Variants in FTSJ3 observed in about 807,000 individuals in gnomAD.
FTSJ3 encodes the protein FtsJ RNA 2'-O-methyltransferase 3, also known as pre-rRNA 2'-O-ribose RNA methyltransferase FTSJ3.
FTSJ3 carries 46 observed loss-of-function variants against 111.5 expected under a neutral mutation model. That is an observed-to-expected ratio of 0.41 (90% confidence interval 0.33 to 0.53). The LOEUF is 0.53. FTSJ3 is among the 20% of genes least tolerant of loss of function. The probability of loss-of-function intolerance (pLI) is 0.19; values close to 1 mark genes in which losing one functional copy is unlikely to be tolerated. For synonymous variants in FTSJ3, 408 were observed against 383.0 expected, an observed-to-expected ratio of 1.07 and a Z score of -0.76; for missense variants, 1,075 against 1,063.8, an observed-to-expected ratio of 1.01 and a Z score of -0.15.
Position 63,820,955 on chromosome 17 carries a change from A to G in FTSJ3, c.1973-17T>C. The stretch of plus-strand genomic sequence containing the variant: ...GATGTTTCGCTAGAGAGGGAAGGAG[A>G]AAGGTCAAAGCTCAATTCCCAATAC... On this transcript the variant is annotated splice_polypyrimidine_tract_variant and intron_variant, in intron 17 of 20. Coordinates refer to ENST00000427159, the MANE Select transcript of FTSJ3 (RefSeq NM_017647.4). The G allele has an allele frequency of 6.2e-7, 1 of 1,612,428 alleles. No homozygotes were observed. Among genetic ancestry groups the G allele is most frequent in the South Asian group, 1.1e-5 (1 of 91,060 alleles).
chr17:63,825,811 G>A, intron 5 of FTSJ3, 176 bp from the exon 6 acceptor site: 1 of 645,096 alleles, frequency 1.6e-6, no homozygotes, highest in East Asian at 2.7e-5. Context: ...ATTACAGTCT[G>A]ACACTGAATT....
At position 63,819,834 on chromosome 17, in the gene FTSJ3, T is replaced by TA. The variant is rs774847539; in HGVS notation, c.2511dup (p.Lys838Ter). On this transcript the variant is annotated frameshift_variant, in exon 21 of 21. Transcript: ENST00000427159. LOFTEE classifies it high-confidence loss of function. ...CGTTTGTGTTTTTTCTTTTGTTCCT[T>TA]ACGTTGCTGTGCTCTTTGGTCCTTC... is the stretch of plus-strand genomic sequence containing the variant. 4 of 1,613,776 alleles carry TA rather than the reference T, an allele frequency of 2.5e-6. No homozygotes were observed. Among genetic ancestry groups the TA allele is most frequent in the South Asian group, 1.1e-5 (1 of 91,078 alleles).
rs771935541 is a variant in FTSJ3, at chr17:63,825,221, GAGAA to G, written c.595+17_595+20del. The G allele has an allele frequency of 6.2e-7, 1 of 1,614,078 alleles. No homozygotes were observed. Among genetic ancestry groups the G allele is most frequent in the Non-Finnish European group, 8.5e-7 (1 of 1,179,980 alleles). The stretch of plus-strand genomic sequence containing the variant: ...TTTGGGAGTTGGGAGCCTGGATCAA[GAGAA>G]AGGAAATGATGCCCACCTTGGCAGA... On this transcript the variant is annotated intron_variant, in intron 7 of 20. Coordinates refer to ENST00000427159, the MANE Select transcript of FTSJ3 (RefSeq NM_017647.4).
At chr17:63,823,183 A>C (rs2040065996) in intron 13 of FTSJ3, among the ~76,000 whole-genome samples, 2 of 152,230 alleles carry the variant, frequency 1.3e-5, no homozygotes, top group Non-Finnish European at 2.9e-5. Context: ...GGTCTCAATG[A>C]ACTAAAGAAT....
Position 63,822,070 on chromosome 17 carries a change from G to A in FTSJ3, c.1389C>T (p.Asp463=). 3 of 1,614,160 alleles carry A rather than the reference G, an allele frequency of 1.9e-6. No individual in the cohort carries two copies. The highest frequency in any genetic ancestry group is 2.5e-6 in the Non-Finnish European group (3 of 1,180,006). ...CACTATCCAGAGATGTGTCATCACC[G>A]TCGTCCTCAACATCTGACACATAGA... The part of the protein sequence containing the change: ...DDIYVSDVED[D]GDDTSLDSDL... The change falls in exon 14 of 21, where the codon GAC becomes GAT. Residue 463 remains aspartate, a synonymous_variant. Coordinates refer to ENST00000427159, the MANE Select transcript of FTSJ3 (RefSeq NM_017647.4).
At chr17:63,825,199 G>A (rs1416099638) in intron 7 of FTSJ3, 36 bp from the exon 8 acceptor site, 2 of 1,613,364 alleles carry the variant, frequency 1.2e-6, no homozygotes, top group South Asian at 1.1e-5. Context: ...AGTGTGCTTT[G>A]GGAGTTGGGA....
At chr17:63,822,890 CTAT>C (rs781676951) in intron 13 of FTSJ3, among the ~76,000 whole-genome samples, 93 of 152,136 alleles carry the variant, frequency 6.1e-4, no homozygotes, top group Non-Finnish European at 9.0e-4. Flanking sequence ...TAGGTAGGTT[CTAT>C]TATTGTTTTA....
intron 16 of FTSJ3, 69 bp from the exon 17 acceptor site, chr17:63,821,184 T>G: frequency 6.3e-7 from 1 of 1,580,400 alleles, no homozygotes; most frequent in Non-Finnish European, 8.7e-7. Flanking sequence ...CCCACGGAAT[T>G]TGCAAAAATC....
In FTSJ3 at chr17:63,826,059, C is replaced by T. The variant is rs114089669; in HGVS notation, c.297G>A (p.Arg99=). The part of the protein sequence containing the change: ...LQQDITTERC[R]QALRKELKTW... ...GGAAGAGAGAGACTCCTATTACCTG[C>T]CTACAACGTTCTGTTGTGATGTCCT... The change falls in exon 5 of 21, where the codon AGG becomes AGA. Residue 99 remains arginine (R), a synonymous_variant. Coordinates refer to ENST00000427159, the MANE Select transcript of FTSJ3 (RefSeq NM_017647.4). 2.6e-4 allele frequency: 414 copies of T among 1,608,882 alleles called. 3 individuals are homozygous for T. The East Asian group carries it at 8.1e-3, about 32-fold the overall frequency.
At chr17:63,826,183 G>A (rs368110506) in intron 4 of FTSJ3, 48 bp from the exon 5 acceptor site, 8 of 1,610,314 alleles carry the variant, frequency 5.0e-6, no homozygotes, top group Non-Finnish European at 6.8e-6. Context: ...TTCAAGCAGG[G>A]AGGAGAGAAA....
chr17:63,822,285 T>C, intron 13 of FTSJ3, 117 bp from the exon 14 acceptor site: 1 of 830,862 alleles, frequency 1.2e-6, no homozygotes, highest in Non-Finnish European at 1.9e-6. Context: ...GGCAAATCCA[T>C]TATCCTTTCA....
At position 63,825,118 on chromosome 17, in the gene FTSJ3, T is replaced by C. The variant is rs139272933; in HGVS notation, c.641A>G (p.Lys214Arg). 103 of 1,613,930 alleles carry C rather than the reference T, an allele frequency of 6.4e-5. No homozygotes were observed. The highest frequency in any genetic ancestry group is 2.3e-4 in the African/African-American group (17 of 74,860). Residue 214 changes from lysine to arginine, a missense_variant, in exon 8 of 21, where the codon AAA (lysine) becomes AGA (arginine). Coordinates refer to ENST00000427159, the MANE Select transcript of FTSJ3 (RefSeq NM_017647.4). The stretch of plus-strand genomic sequence containing the variant: ...AACTTCAACCTCCTTAAAGGCAAAT[T>C]TGGGGTCAAAGAATTTACTGTCAAC... ...DKVDSKFFDP[K>R]FAFKEVEVQA...
chr17:63,819,950 G>A lies in FTSJ3; in HGVS notation c.2396C>T (p.Thr799Ile). The A allele has an allele frequency of 6.2e-7, 1 of 1,614,204 alleles. No individual in the cohort carries two copies. The highest frequency in any genetic ancestry group is 1.1e-5 in the South Asian group (1 of 91,092). Residue 799 changes from threonine to isoleucine, a missense_variant, in exon 21 of 21, where the codon ACC becomes ATC. Thr to Ile is a moderately conservative substitution (Grantham distance 89). Transcript: ENST00000427159. ...CACACCTTTTTTGGCTACAACGTAG[G>A]TGACATGGCGTTTCTCCTTGCCAAG... ...AGLGKEKRHV[T>I]YVVAKKGVGR...
chr17:63,823,856 C>CT lies in FTSJ3; in HGVS notation c.1250dup (p.Thr418AspfsTer37). Reference sequence around the variant, plus strand: ...TGGTGCTCAAGGAGAACATGCCAGTCTCCCCCTCGTCTGCAATGGAAACCC... The same window carrying CT: ...TGGTGCTCAAGGAGAACATGCCAGTCTTCCCCCTCGTCTGCAATGGAAACCC... On this transcript the variant is annotated frameshift_variant, in exon 13 of 21. Transcript: ENST00000427159. LOFTEE classifies it high-confidence loss of function. The CT allele has an allele frequency of 6.2e-7, 1 of 1,614,216 alleles. No individual in the cohort carries two copies. The highest frequency in any genetic ancestry group is 8.5e-7 in the Non-Finnish European group (1 of 1,180,046).
At chr17:63,820,039 A>G in intron 20 of FTSJ3, 40 bp downstream of exon 20, 1 of 1,613,918 alleles carries the variant, frequency 6.2e-7, no homozygotes, top group South Asian at 1.1e-5. Flanking sequence ...TTTCTGCTGC[A>G]CTTTTAGCCC....
chr17:63,826,203 A>G, intron 4 of FTSJ3, 55 bp downstream of exon 4: 1 of 1,609,930 alleles, frequency 6.2e-7, no homozygotes, highest in Non-Finnish European at 8.5e-7. Flanking sequence ...ATACAGGACA[A>G]AATACCTTAT....
chr17:63,824,616 C>A lies in FTSJ3; in HGVS notation c.917+21G>T, dbSNP rs372345211. ...CCCTGCCTCCAGGGCTCCTGGCCCCCGTGCCTACCCCACTCCATACCTGAG... is the reference window on the plus strand; with the variant it reads ...CCCTGCCTCCAGGGCTCCTGGCCCCAGTGCCTACCCCACTCCATACCTGAG... On this transcript the variant is annotated intron_variant, in intron 10 of 20. Coordinates refer to ENST00000427159, the MANE Select transcript of FTSJ3 (RefSeq NM_017647.4). The A allele has an allele frequency of 1.8e-4, 292 of 1,592,826 alleles. 3 individuals are homozygous for A. The South Asian group carries it at 3.0e-3, about 17-fold the overall frequency.
At chr17:63,823,627 C>G in intron 13 of FTSJ3, 190 bp downstream of exon 13, 1 of 633,894 alleles carries the variant, frequency 1.6e-6, no homozygotes, top group Admixed American at 2.6e-5. Flanking sequence ...TCACACTCAT[C>G]TATCTACCTA....
intron 5 of FTSJ3, chr17:63,825,836 T>C (rs2040094063): frequency 6.4e-6 from 4 of 628,322 alleles, no homozygotes; most frequent in Admixed American, 2.9e-5. Context: ...GGAGAAGACT[T>C]CACTAAAGAT....
Sources: gnomAD v4.1 joint callset for allele counts (sites outside exome capture counted in the v4.1 genomes callset) on GRCh38, gnomAD v4.1.1 for gene constraint, MANE v1.5 for transcripts, NCBI Gene and HGNC (gene_info 2026-07-23, HGNC 2026-07-21) for gene names.